The following ODF2 variants were observed in gnomAD, a reference collection of about 807,000 sequenced individuals.
The protein encoded by ODF2 is outer dense fiber protein 2.
In ODF2, 47 loss-of-function variants were observed where a neutral mutation model predicts 110.2. The observed-to-expected ratio is 0.43, with a 90% confidence interval of 0.34 to 0.54. ODF2 has a LOEUF of 0.54. ODF2 is among the 20% of genes least tolerant of loss of function. The pLI, the probability that ODF2 is intolerant of heterozygous loss-of-function variation, is 0.03. For synonymous variants in ODF2, 352 were observed against 397.7 expected (o/e 0.89, Z 1.37); for missense variants, 812 against 1,054.5 (o/e 0.77, Z 3.19).
chr9:128,487,508 C>G lies in ODF2; in HGVS notation c.1401-382C>G, dbSNP rs184107695. Reference sequence around the variant, plus strand: ...GGTTCTTTAGAACCTGTGTAATTGGCCGGGTGCGGTGGCTCACACCTGTAA... The same window carrying G: ...GGTTCTTTAGAACCTGTGTAATTGGGCGGGTGCGGTGGCTCACACCTGTAA... On this transcript the variant is annotated intron_variant, in intron 13 of 20. Transcript: ENST00000604420. Among the ~76,000 whole-genome samples, 349 of 152,190 alleles carry G rather than the reference C, an allele frequency of 2.3e-3. 1 individual carries two copies. The highest frequency in any genetic ancestry group is 7.9e-3 in the African/African-American group (330 of 41,514).
In ODF2 at chr9:128,494,363, C is replaced by A. The variant is rs974486728; in HGVS notation, c.1753-147C>A. 4.4e-6 allele frequency: 3 copies of A among 683,374 alleles called. No individual in the cohort carries two copies. The highest frequency in any genetic ancestry group is 7.5e-6 in the Non-Finnish European group (3 of 400,742). 42.3% of individuals were successfully genotyped at this position (683,374 alleles called of 1,614,324 possible). On this transcript the variant is annotated intron_variant, in intron 16 of 20. Transcript: ENST00000604420. This position sits in a 1 kb window ranked among gnomAD's most constrained non-coding sequence, Gnocchi z 4.6. ...TGGCCAGCGGGGAGTGTAGGCCACA[C>A]TTCTGCTGTGGATTTTGCAGGATCC...
upstream of ODF2, chr9:128,456,131 A>T (rs1368765786): frequency 5.8e-6 from 9 of 1,547,760 alleles, no homozygotes; most frequent in Non-Finnish European, 7.9e-6. Context: ...AAGGAGGCGG[A>T]AGCGGGGAGG....
rs555397248 is a variant in ODF2, at chr9:128,485,851, T to C, written c.1400+377T>C. On this transcript the variant is annotated intron_variant, in intron 13 of 20. Transcript: ENST00000604420. The surrounding 1 kb of genome is among the most constrained non-coding windows in gnomAD (Gnocchi z 5.0). ...GGGGCAGATGGTGACCCGAGTGTCT[T>C]CTCTCTGTTGTCTGTCCAGGGACAG... Among the ~76,000 whole-genome samples the C allele has an allele frequency of 6.6e-6, 1 of 152,154 alleles. No homozygotes were observed. Among genetic ancestry groups the C allele is most frequent in the African/African-American group, 2.4e-5 (1 of 41,518 alleles).
intron 14 of ODF2, among the ~76,000 whole-genome samples, chr9:128,490,785 T>C: frequency 6.6e-6 from 1 of 152,208 alleles, no homozygotes; most frequent in South Asian, 2.1e-4. Flanking sequence ...TTTAACTATA[T>C]TTACGGACAT....
intron 14 of ODF2, among the ~76,000 whole-genome samples, chr9:128,488,772 G>T (rs1843925753): frequency 6.6e-6 from 1 of 152,168 alleles, no homozygotes. Flanking sequence ...GGGAGGCTGA[G>T]GCAGGCGGAT....
At chr9:128,488,010 G>C (rs1843732389) in exon 14 of ODF2, 1 of 1,613,832 alleles carries the variant, frequency 6.2e-7, no homozygotes, top group African/African-American at 1.3e-5. Context: ...TCAAGCTGGA[G>C]AATGAGAGGC....
At chr9:128,492,357 G>A in intron 14 of ODF2, 69 bp from the exon 15 acceptor site, 1 of 1,027,188 alleles carries the variant, frequency 9.7e-7, no homozygotes, top group Non-Finnish European at 1.5e-6. Context: ...TCTTTGGATA[G>A]AGTTGAGGGT....
rs1554857542 is a variant in ODF2 at position 128,497,446 on chromosome 9, A to AAAAT, written c.2013-966_2013-965insAATA. On this transcript the variant is annotated intron_variant, in intron 18 of 20. Transcript: ENST00000604420. ...ACTAAAAAAAAAAAAAAAAAAAAAA[A>AAAAT]ATATATATATATATATATATATATA... 35 of 42,582 alleles carry AAAAT rather than the reference A, an allele frequency of 8.2e-4. 1 individual carries two copies. The highest frequency in any genetic ancestry group is 1.1e-3 in the Admixed American group (3 of 2,634). The allele number at this position is 42,582 out of a possible 1,614,324, so 2.6% of individuals were successfully genotyped here. A position where few individuals can be genotyped will look rare whatever the true frequency, so the allele number is the denominator to read the frequency against.
chr9:128,457,370 C>T (rs772076532), exon 2 of ODF2: 3 of 1,612,702 alleles, frequency 1.9e-6, no homozygotes, highest in Non-Finnish European at 1.7e-6. Flanking sequence ...AGCCTGCTGA[C>T]CCAATTGCCC....
chr9:128,496,089 G>C (rs148382612), exon 18 of ODF2: 17 of 1,613,798 alleles, frequency 1.1e-5, no homozygotes, highest in African/African-American at 2.7e-5. Flanking sequence ...GAAACATCAG[G>C]CTTCCCAGAA....
intron 6 of ODF2, 76 bp downstream of exon 6, chr9:128,471,544 A>G: frequency 6.8e-7 from 1 of 1,477,218 alleles, no homozygotes; most frequent in Non-Finnish European, 9.2e-7. Context: ...GCAATAATGG[A>G]AAGCAACGTA....
intron 13 of ODF2, among the ~76,000 whole-genome samples, chr9:128,486,923 C>T (rs1843472945): frequency 6.6e-6 from 1 of 152,120 alleles, no homozygotes; most frequent in African/African-American, 2.4e-5. Flanking sequence ...GAAGGGATTC[C>T]AGAAGCGTCT....
At position 128,494,744 on chromosome 9, in the gene ODF2, C is replaced by A. The variant is rs368317641; in HGVS notation, c.1911+76C>A. Reference sequence around the variant, plus strand: ...CATACCAAGATGAGCTGCACGCCCCCCAAGGGAGGACTACTTCCTTTTTCT... The same window carrying A: ...CATACCAAGATGAGCTGCACGCCCCACAAGGGAGGACTACTTCCTTTTTCT... On this transcript the variant is annotated intron_variant, in intron 17 of 20. Transcript: ENST00000604420. The surrounding 1 kb of genome is among the most constrained non-coding windows in gnomAD (Gnocchi z 4.6). The A allele has an allele frequency of 5.6e-6, 9 of 1,613,394 alleles. No individual in the cohort carries two copies. The highest frequency in any genetic ancestry group is 7.6e-6 in the Non-Finnish European group (9 of 1,179,796).
At chr9:128,474,422 G>A (rs1432742253) in intron 8 of ODF2, among the ~76,000 whole-genome samples, 1 of 152,140 alleles carries the variant, frequency 6.6e-6, no homozygotes, top group Non-Finnish European at 1.5e-5. Flanking sequence ...GAACCTGGGA[G>A]GCGGAGGTTG....
Position 128,484,694 on chromosome 9 carries a change from CT to C in ODF2, c.1105-5del, listed in dbSNP as rs1588923019. Reference sequence around the variant, plus strand: ...TCCCTCTCTTTCTCACCCCTTCCCCCTTCCAGAATCTGGAGCGCAGCGGGAA... The same window carrying C: ...TCCCTCTCTTTCTCACCCCTTCCCCCTCCAGAATCTGGAGCGCAGCGGGAA... On this transcript the variant is annotated splice_region_variant and splice_polypyrimidine_tract_variant and intron_variant, in intron 11 of 20. Transcript: ENST00000604420. 2 of 1,555,578 alleles carry C rather than the reference CT, an allele frequency of 1.3e-6. No individual in the cohort carries two copies. The highest frequency in any genetic ancestry group is 2.7e-5 in the African/African-American group (2 of 73,490).
At chr9:128,467,093 G>C (rs73626757) in intron 4 of ODF2, among the ~76,000 whole-genome samples, 34,898 of 119,500 alleles carry the variant, frequency 0.29, 5,902 homozygotes, top group African/African-American at 0.47. Context: ...TATATTCTGA[G>C]AAACATGTTG....
chr9:128,473,730 C>G (rs1840599769), exon 8 of ODF2: 1 of 1,613,386 alleles, frequency 6.2e-7, no homozygotes, highest in East Asian at 2.2e-5. Flanking sequence ...GAGGGAACAG[C>G]ACTGCAAAGA....
At chr9:128,457,460 C>T in intron 2 of ODF2, 1 of 1,601,034 alleles carries the variant, frequency 6.2e-7, no homozygotes, top group Admixed American at 1.7e-5. Flanking sequence ...TGGGAGGCGC[C>T]TGCGCCGGAG....
downstream of ODF2, chr9:128,500,726 T>C (rs1846361052): frequency 6.5e-6 from 1 of 154,988 alleles, no homozygotes; most frequent in African/African-American, 2.4e-5. Context: ...TGTGGTGTTT[T>C]CCCAAGGCTC....
Sources: allele counts gnomAD v4.1 joint callset (sites outside exome capture counted in the v4.1 genomes callset), GRCh38; gene constraint gnomAD v4.1.1; non-coding constraint Gnocchi (gnomAD v3.1); transcripts MANE v1.5; gene names NCBI Gene and HGNC (gene_info 2026-07-23, HGNC 2026-07-21).